The following L3MBTL4 variants were observed in gnomAD, a reference collection of about 807,000 sequenced individuals.
L3MBTL4 encodes the protein lethal(3)malignant brain tumor-like protein 4.
A neutral mutation model predicts 84.5 loss-of-function variants in L3MBTL4; 70 were observed. The ratio of observed to expected loss-of-function variants is 0.83; its 90% CI spans 0.68 to 1.01. The LOEUF (loss-of-function observed/expected upper bound fraction) is 1.01, where lower values mean the gene tolerates loss of function less well. Ranked by LOEUF, L3MBTL4 falls within the 50% of genes least tolerant of loss-of-function variation. The pLI is 0.00. For synonymous variants in L3MBTL4, 274 were observed against 259.8 expected, an observed-to-expected ratio of 1.05 and a Z score of -0.52; for missense variants, 715 against 754.8, an observed-to-expected ratio of 0.95 and a Z score of 0.62.
intron 5 of L3MBTL4, among the ~76,000 whole-genome samples, chr18:6,252,424 C>CAA (rs10683991): frequency 0.019 from 2,895 of 151,476 alleles, 59 homozygotes; most frequent in African/African-American, 0.058. Context: ...CATTTTTTAT[C>CAA]AAAAAAAACA....
intron 14 of L3MBTL4, among the ~76,000 whole-genome samples, chr18:6,109,455 A>G (rs1203041907): frequency 6.6e-6 from 1 of 152,156 alleles, no homozygotes; most frequent in African/African-American, 2.4e-5. Context: ...CCTGTGGGTG[A>G]CACAGTAGCT....
At chr18:6,202,326 G>A (rs1459580209) in intron 12 of L3MBTL4, among the ~76,000 whole-genome samples, 2 of 151,902 alleles carry the variant, frequency 1.3e-5, no homozygotes, top group African/African-American at 4.8e-5. Context: ...AGTAAGTCAG[G>A]ACTTGATTAT....
rs965286907 is a variant in L3MBTL4 at position 6,405,909 on chromosome 18, T to C, written c.-91+8892A>G. Among the ~76,000 whole-genome samples, 5 of 152,216 alleles carry C rather than the reference T, an allele frequency of 3.3e-5. No individual in the cohort carries two copies. The East Asian group carries it at 9.6e-4, about 29-fold the overall frequency. On this transcript the variant is annotated intron_variant, in intron 1 of 18. Coordinates refer to ENST00000317931, the MANE Select transcript of L3MBTL4 (RefSeq NM_001330559.2). ...GGAACAGGTCCAGTCTGGGTGTCTG[T>C]GTGGTCCTCCTAATATCATTTACAT...
At chr18:6,335,485 A>G (rs1356635688) in intron 1 of L3MBTL4, among the ~76,000 whole-genome samples, 2 of 152,226 alleles carry the variant, frequency 1.3e-5, no homozygotes, top group African/African-American at 4.8e-5. Context: ...ATCAATTTGC[A>G]AAATAAAAAT....
chr18:6,093,433 T>A lies in L3MBTL4; in HGVS notation c.1295A>T (p.Asp432Val), dbSNP rs764965825. The A allele has an allele frequency of 6.2e-7, 1 of 1,614,026 alleles. No individual in the cohort carries two copies. Among genetic ancestry groups the A allele is most frequent in the South Asian group, 1.1e-5 (1 of 91,050 alleles). The change falls in exon 15 of 19, where the codon GAC becomes GTC. Residue 432 changes from aspartate to valine, a missense_variant. Physicochemically the swap from Asp to Val is radical, Grantham distance 152 (BLOSUM62 -3). Transcript: ENST00000317931. ...GCTTTTTGATTTTGAATGTGAAGAG[T>A]CTGATTCCAAATTTGCCTGTGTTTG... ...REQTQANLES[D>V]SSHSKSKSLC...
chr18:6,402,520 T>C (rs1475962079), intron 1 of L3MBTL4, among the ~76,000 whole-genome samples: 1 of 152,162 alleles, frequency 6.6e-6, no homozygotes, highest in Non-Finnish European at 1.5e-5. Context: ...CTACAAAATC[T>C]ATCTACAAGG....
At chr18:6,097,756 C>T (rs1480768750) in intron 14 of L3MBTL4, among the ~76,000 whole-genome samples, 1 of 152,174 alleles carries the variant, frequency 6.6e-6, no homozygotes, top group East Asian at 1.9e-4. Flanking sequence ...CACTTTGATC[C>T]CTGTTTCTAA....
At chr18:6,226,927 A>G (rs918958096) in intron 10 of L3MBTL4, among the ~76,000 whole-genome samples, 2 of 152,170 alleles carry the variant, frequency 1.3e-5, no homozygotes, top group African/African-American at 4.8e-5. Flanking sequence ...TTGGAAACCC[A>G]CTTTAAATAT....
intron 1 of L3MBTL4, among the ~76,000 whole-genome samples, chr18:6,336,527 C>A (rs1332454552): frequency 6.6e-6 from 1 of 152,116 alleles, no homozygotes; most frequent in Non-Finnish European, 1.5e-5. Context: ...AATGAAAACT[C>A]AACAAGGAGA....
chr18:6,226,624 TG>T (rs1267996360), intron 10 of L3MBTL4, among the ~76,000 whole-genome samples: 1 of 152,134 alleles, frequency 6.6e-6, no homozygotes, highest in East Asian at 1.9e-4. Context: ...AATAAACTGT[TG>T]TACTATGGGA....
intron 16 of L3MBTL4, among the ~76,000 whole-genome samples, chr18:6,036,755 T>C (rs1273437783): frequency 1.3e-5 from 2 of 152,206 alleles, no homozygotes; most frequent in African/African-American, 2.4e-5. Flanking sequence ...TCCCCAGAGT[T>C]TGCTAATTTT....
In L3MBTL4 at chr18:6,213,208, G is replaced by A. The variant is rs757230528; in HGVS notation, c.922C>T (p.Arg308Trp). ...PNMKLEVVDK[R>W]NPRLIRVATI... ...GCAACACGAATTAACCTGGGGTTCC[G>A]TTTATCCACAACTTCAAGTTTCATA... Residue 308 changes from arginine to tryptophan, a missense_variant, in exon 12 of 19, where the codon CGG (arginine) becomes TGG (tryptophan). Transcript: ENST00000317931. The A allele has an allele frequency of 4.8e-5, 78 of 1,611,332 alleles. 1 individual carries two copies. The highest frequency in any genetic ancestry group is 3.1e-4 in the East Asian group (14 of 44,774).
intron 16 of L3MBTL4, among the ~76,000 whole-genome samples, chr18:6,079,052 G>A (rs1394261472): frequency 6.6e-6 from 1 of 152,192 alleles, no homozygotes; most frequent in Non-Finnish European, 1.5e-5. Flanking sequence ...GCAATGGAGA[G>A]CAGCTGTGAA....
intron 14 of L3MBTL4, among the ~76,000 whole-genome samples, chr18:6,129,647 T>C (rs1277474803): frequency 6.6e-6 from 1 of 152,206 alleles, no homozygotes; most frequent in Non-Finnish European, 1.5e-5. Flanking sequence ...GGTTCTCCTC[T>C]GATCCCATGA....
chr18:5,996,392 A>C (rs1162068859), intron 16 of L3MBTL4, among the ~76,000 whole-genome samples: 1 of 152,228 alleles, frequency 6.6e-6, no homozygotes, highest in Non-Finnish European at 1.5e-5. Context: ...GAGCATGTTT[A>C]TGTAAAATGG....
chr18:6,360,282 G>GA (rs1304308192), intron 1 of L3MBTL4, among the ~76,000 whole-genome samples: 1 of 152,150 alleles, frequency 6.6e-6, no homozygotes, highest in Non-Finnish European at 1.5e-5. Flanking sequence ...GACACGGGGG[G>GA]ATCCCTTAAG....
chr18:6,161,360 C>G (rs141914077), intron 13 of L3MBTL4, among the ~76,000 whole-genome samples: 22 of 152,266 alleles, frequency 1.4e-4, no homozygotes, highest in African/African-American at 5.1e-4. Flanking sequence ...TGAATGGGAA[C>G]ATTTAAGTTT....
At chr18:6,188,706 G>A (rs2044908849) in intron 12 of L3MBTL4, among the ~76,000 whole-genome samples, 1 of 152,208 alleles carries the variant, frequency 6.6e-6, no homozygotes, top group Non-Finnish European at 1.5e-5. Context: ...ATAGGGGCTG[G>A]CTGGCTGTGT....
At chr18:6,295,587 G>A (rs1215813075) in intron 4 of L3MBTL4, among the ~76,000 whole-genome samples, 1 of 151,858 alleles carries the variant, frequency 6.6e-6, no homozygotes, top group East Asian at 1.9e-4. Context: ...TTATAAACCA[G>A]TATCAAGAGC....
Sources: gnomAD v4.1 joint callset for allele counts (sites outside exome capture counted in the v4.1 genomes callset) on GRCh38, gnomAD v4.1.1 for gene constraint, MANE v1.5 for transcripts, NCBI Gene and HGNC (gene_info 2026-07-23, HGNC 2026-07-21) for gene names.